ASXL3: variants seen among roughly 807,000 people sequenced by gnomAD.
ASXL3 encodes the protein ASXL transcriptional regulator 3.
ASXL3 carries 34 observed loss-of-function variants against 170.6 expected under a neutral mutation model. The ratio of observed to expected loss-of-function variants is 0.20; its 90% CI spans 0.15 to 0.27. ASXL3 has a LOEUF of 0.27. Among genes scored for constraint, ASXL3 ranks in the 10% least tolerant of loss-of-function variants. ASXL3 has a pLI of 1.00. For synonymous variants in ASXL3, 1,002 were observed against 989.1 expected, an observed-to-expected ratio of 1.01 and a Z score of -0.24; for missense variants, 2,592 against 2,695.3, an observed-to-expected ratio of 0.96 and a Z score of 0.85.
At chr18:33,701,050 T>G (rs932599844) in intron 8 of ASXL3, among the ~76,000 whole-genome samples, 2 of 148,842 alleles carry the variant, frequency 1.3e-5, no homozygotes, top group African/African-American at 4.9e-5. Flanking sequence ...GTTTTTTGTC[T>G]TTTTTTTTTA....
chr18:33,666,292 G>T (rs905879045), intron 5 of ASXL3, among the ~76,000 whole-genome samples: 1 of 152,092 alleles, frequency 6.6e-6, no homozygotes, highest in Non-Finnish European at 1.5e-5. Flanking sequence ...ATCCCCCCCT[G>T]AAATGAATCT....
At chr18:33,633,185 G>C (rs1317250886) in intron 2 of ASXL3, among the ~76,000 whole-genome samples, 1 of 152,148 alleles carries the variant, frequency 6.6e-6, no homozygotes, top group Non-Finnish European at 1.5e-5. Context: ...TAATTTGGAA[G>C]TAGCTATTAA....
Position 33,743,475 on chromosome 18 carries a change from G to A in ASXL3, c.3627G>A (p.Val1209=), listed in dbSNP as rs746665530. The change falls in exon 12 of 12, where the codon GTG becomes GTA. Residue 1209 remains valine, a synonymous_variant. Coordinates refer to ENST00000269197, the MANE Select transcript of ASXL3 (RefSeq NM_030632.3). ...SVHSSDENIP[V]SHLSEKIVSS... ...ATAGTTCTGATGAAAACATACCTGTGTCACATTTATCTGAGAAAATTGTTT... is the reference window on the plus strand; with the variant it reads ...ATAGTTCTGATGAAAACATACCTGTATCACATTTATCTGAGAAAATTGTTT... 1 of 1,613,548 alleles carries A rather than the reference G, an allele frequency of 6.2e-7. No individual in the cohort carries two copies. Among genetic ancestry groups the A allele is most frequent in the Non-Finnish European group, 8.5e-7 (1 of 1,179,846 alleles).
intron 1 of ASXL3, among the ~76,000 whole-genome samples, chr18:33,602,602 C>G (rs1027400993): frequency 6.6e-6 from 1 of 152,026 alleles, no homozygotes; most frequent in Non-Finnish European, 1.5e-5. Flanking sequence ...ATGGAAAGCC[C>G]CCAGAGAGGA....
chr18:33,584,643 A>T (rs1466304218), intron 1 of ASXL3, among the ~76,000 whole-genome samples: 1 of 152,156 alleles, frequency 6.6e-6, no homozygotes, highest in East Asian at 1.9e-4. Context: ...AAATCAGTAA[A>T]TTATATACAT....
rs2145438629 is a variant in ASXL3, at chr18:33,747,150, C to T, written c.*555C>T. ...AAAAGATATATTAAAGGAGGTATGC[C>T]ATTAATGAAATCCACTGTCCTGAGT... On this transcript the variant is annotated 3_prime_UTR_variant, in exon 12 of 12. Transcript: ENST00000269197. The T allele has an allele frequency of 6.6e-6, 1 of 152,314 alleles. No homozygotes were observed. Among genetic ancestry groups the T allele is most frequent in the East Asian group, 1.9e-4 (1 of 5,170 alleles). The allele number at this position is 152,314 out of a possible 1,614,324, so 9.4% of individuals were successfully genotyped here.
At chr18:33,591,294 T>G (rs1321419120) in intron 1 of ASXL3, among the ~76,000 whole-genome samples, 1 of 152,192 alleles carries the variant, frequency 6.6e-6, no homozygotes, top group Admixed American at 6.5e-5. Context: ...TTATCTCTAC[T>G]TTTTCAGCTT....
chr18:33,729,333 C>T (rs529544886), intron 8 of ASXL3, among the ~76,000 whole-genome samples: 3 of 152,108 alleles, frequency 2.0e-5, no homozygotes, highest in East Asian at 1.9e-4. Flanking sequence ...CTGGGAGTTG[C>T]GCCCAGAGAC....
intron 10 of ASXL3, among the ~76,000 whole-genome samples, chr18:33,736,692 G>A (rs1298895558): frequency 6.6e-6 from 1 of 151,934 alleles, no homozygotes; most frequent in African/African-American, 2.4e-5. Context: ...TTGTATATTT[G>A]GTTTACATCA....
intron 8 of ASXL3, among the ~76,000 whole-genome samples, chr18:33,697,982 C>T (rs1253697183): frequency 2.0e-5 from 3 of 151,972 alleles, no homozygotes; most frequent in African/African-American, 7.3e-5. Context: ...TATTGCTAGC[C>T]CAGTAGATGG....
intron 2 of ASXL3, among the ~76,000 whole-genome samples, chr18:33,640,894 T>C (rs1377075654): frequency 6.6e-6 from 1 of 151,984 alleles, no homozygotes; most frequent in East Asian, 1.9e-4. Context: ...TTTTTACATT[T>C]CTATATTTAA....
chr18:33,610,887 C>G (rs935554245), intron 2 of ASXL3, among the ~76,000 whole-genome samples: 24 of 152,168 alleles, frequency 1.6e-4, no homozygotes, highest in African/African-American at 5.5e-4. Context: ...CTGATAGTTT[C>G]CAGCAGGTTA....
chr18:33,659,771 A>G (rs1247706946), intron 4 of ASXL3, among the ~76,000 whole-genome samples: 1 of 152,142 alleles, frequency 6.6e-6, no homozygotes, highest in Non-Finnish European at 1.5e-5. Flanking sequence ...TCTTAGCTAG[A>G]ACATTTAGAC....
rs1418516872 is a variant in ASXL3, at chr18:33,746,085, A to G, written c.6237A>G (p.Ile2079Met). The G allele has an allele frequency of 6.2e-6, 10 of 1,613,476 alleles. No homozygotes were observed. The highest frequency in any genetic ancestry group is 1.7e-6 in the Non-Finnish European group (2 of 1,179,882). The change falls in exon 12 of 12, where the codon ATA (isoleucine) becomes ATG (methionine). Residue 2079 changes from isoleucine to methionine, a missense_variant. Physicochemically the swap from Ile to Met is conservative, Grantham distance 10. Around this residue, in one of 4 missense-constraint regions of ASXL3, gnomAD observed 2,246 missense variants for 2,219.6 expected, o/e 1.01. Coordinates refer to ENST00000269197, the MANE Select transcript of ASXL3 (RefSeq NM_030632.3). ...WPQSTGICSN[I>M]KSEPLSFEEG... ...AGTCCACGGGCATATGTAGCAATAT[A>G]AAATCGGAACCTCTTTCTTTTGAGG...
At chr18:33,716,816 A>G (rs2067172286) in intron 8 of ASXL3, among the ~76,000 whole-genome samples, 1 of 151,780 alleles carries the variant, frequency 6.6e-6, no homozygotes, top group Non-Finnish European at 1.5e-5. Flanking sequence ...TGGAAAATGT[A>G]TAATAGATTA....
Position 33,739,519 on chromosome 18 carries a change from A to C in ASXL3, c.2115A>C (p.Ser705=). Residue 705 remains serine (S), a synonymous_variant, in exon 11 of 12, where the codon TCA becomes TCC. Coordinates refer to ENST00000269197, the MANE Select transcript of ASXL3 (RefSeq NM_030632.3). ...MSNLPLTSEA[S]PVSNLPLTSE... Reference sequence around the variant, plus strand: ...ACTTACCATTAACATCTGAAGCATCACCAGTATCCAACTTACCTTTAACAT... The same window carrying C: ...ACTTACCATTAACATCTGAAGCATCCCCAGTATCCAACTTACCTTTAACAT... 1 of 1,613,908 alleles carries C rather than the reference A, an allele frequency of 6.2e-7. No individual in the cohort carries two copies. Among genetic ancestry groups the C allele is most frequent in the Non-Finnish European group, 8.5e-7 (1 of 1,179,828 alleles).
chr18:33,653,233 A>G (rs1413439247), intron 4 of ASXL3, among the ~76,000 whole-genome samples: 1 of 152,010 alleles, frequency 6.6e-6, no homozygotes, highest in Non-Finnish European at 1.5e-5. Flanking sequence ...GAGAGTGTCA[A>G]CAGGCTTCTA....
At chr18:33,738,387 G>T (rs1032157843) in intron 10 of ASXL3, 100 bp from the exon 11 acceptor site, 23 of 1,159,198 alleles carry the variant, frequency 2.0e-5, no homozygotes, top group Non-Finnish European at 2.6e-5. Context: ...AATGTAATTT[G>T]ATGCATTTAC....
chr18:33,715,000 C>T (rs767947714), intron 8 of ASXL3, among the ~76,000 whole-genome samples: 10 of 152,116 alleles, frequency 6.6e-5, no homozygotes, highest in Non-Finnish European at 1.2e-4. Flanking sequence ...TGAGAGTGAA[C>T]GAAGGTGTAG....
Sources: allele counts gnomAD v4.1 joint callset (sites outside exome capture counted in the v4.1 genomes callset), GRCh38; gene constraint gnomAD v4.1.1; regional missense constraint gnomAD v4.1.1; transcripts MANE v1.5; gene names NCBI Gene and HGNC (gene_info 2026-07-23, HGNC 2026-07-21).